Variants in NTNG1 observed in about 807,000 individuals in gnomAD.
NTNG1 encodes netrin-G1.
NTNG1 carries 16 observed loss-of-function variants against 54.0 expected under a neutral mutation model. That is an observed-to-expected ratio of 0.30 (90% CI 0.20 to 0.45). The LOEUF (loss-of-function observed/expected upper bound fraction) is 0.45, where lower values mean the gene tolerates loss of function less well. Ranked by LOEUF, NTNG1 falls within the 20% of genes least tolerant of loss-of-function variation. The pLI, the probability that NTNG1 is intolerant of heterozygous loss-of-function variation, is 1.00. For synonymous variants in NTNG1, 255 were observed against 263.1 expected (o/e 0.97, Z 0.30); for missense variants, 530 against 678.7 (o/e 0.78, Z 2.43).
chr1:107,228,930 TG>T (rs1465039005), intron 2 of NTNG1, among the ~76,000 whole-genome samples: 1 of 152,138 alleles, frequency 6.6e-6, no homozygotes, highest in African/African-American at 2.4e-5. Flanking sequence ...GCATTTCTAT[TG>T]AACTAATCAT....
chr1:107,164,181 A>T (rs969867880), intron 2 of NTNG1, among the ~76,000 whole-genome samples: 6 of 152,230 alleles, frequency 3.9e-5, no homozygotes, highest in African/African-American at 1.4e-4. Flanking sequence ...GTAGCTTTGT[A>T]CTGTGGCTTG....
At chr1:107,283,443 G>A (rs3123377) in intron 2 of NTNG1, among the ~76,000 whole-genome samples, 2,577 of 152,236 alleles carry the variant, frequency 0.017, 62 homozygotes, top group African/African-American at 0.059. Context: ...CTCAGATAAA[G>A]AGCACCAAAC....
intron 2 of NTNG1, among the ~76,000 whole-genome samples, chr1:107,155,689 A>G (rs1654938126): frequency 6.6e-6 from 1 of 152,192 alleles, no homozygotes; most frequent in Non-Finnish European, 1.5e-5. Context: ...ACTAAAGACT[A>G]TATATTATAT....
At chr1:107,225,773 G>A (rs549237838) in intron 2 of NTNG1, among the ~76,000 whole-genome samples, 2 of 152,276 alleles carry the variant, frequency 1.3e-5, no homozygotes, top group South Asian at 2.1e-4. Context: ...TCAAGAATTT[G>A]TTTTTCAAGC....
At chr1:107,436,153 G>A (rs181192192) in intron 6 of NTNG1, among the ~76,000 whole-genome samples, 160 of 152,198 alleles carry the variant, frequency 1.1e-3, no homozygotes, top group African/African-American at 3.8e-3. Context: ...ATCACAAAAT[G>A]GTATATGCAT....
intron 7 of NTNG1, among the ~76,000 whole-genome samples, chr1:107,460,974 C>T (rs921667992): frequency 6.6e-6 from 1 of 152,168 alleles, no homozygotes; most frequent in African/African-American, 2.4e-5. Flanking sequence ...CCATCCCAGC[C>T]AGGACAGTCT....
intron 2 of NTNG1, among the ~76,000 whole-genome samples, chr1:107,315,277 C>T (rs1667270853): frequency 1.3e-5 from 2 of 152,150 alleles, no homozygotes; most frequent in Non-Finnish European, 1.5e-5. Context: ...CGTATCAAGC[C>T]ACCAACATGC....
At chr1:107,323,800 T>C (rs1056075067) in intron 2 of NTNG1, among the ~76,000 whole-genome samples, 1 of 152,018 alleles carries the variant, frequency 6.6e-6, no homozygotes, top group African/African-American at 2.4e-5. Flanking sequence ...CTGAATGTTG[T>C]ATGGGGGTAT....
At chr1:107,350,227 T>G (rs1315390137) in intron 3 of NTNG1, among the ~76,000 whole-genome samples, 2 of 152,192 alleles carry the variant, frequency 1.3e-5, no homozygotes, top group African/African-American at 4.8e-5. Flanking sequence ...CCATTTTTAA[T>G]GAGAGAATTT....
At chr1:107,363,707 C>T (rs571326070) in intron 3 of NTNG1, among the ~76,000 whole-genome samples, 2 of 152,296 alleles carry the variant, frequency 1.3e-5, no homozygotes, top group South Asian at 2.1e-4. Context: ...TAGCTCAAGG[C>T]TCATCTCCAC....
rs1385405351 is a variant in NTNG1, at chr1:107,481,136, C to G, written c.*296C>G. 2.4e-6 allele frequency: 1 copy of G among 422,000 alleles called. No individual in the cohort carries two copies. Among genetic ancestry groups the G allele is most frequent in the East Asian group, 3.5e-5 (1 of 28,660 alleles). The allele number at this position is 422,000 out of a possible 1,614,324, so 26.1% of individuals were successfully genotyped here. On this transcript the variant is annotated 3_prime_UTR_variant, in exon 8 of 8. Coordinates refer to ENST00000370068, the MANE Select transcript of NTNG1 (RefSeq NM_001113226.3). Reference sequence around the variant, plus strand: ...GGAAAGGCTGCGACAGCCCCCCAAACAGGAAAGACAAAAAACAAACAAATC... The same window carrying G: ...GGAAAGGCTGCGACAGCCCCCCAAAGAGGAAAGACAAAAAACAAACAAATC...
chr1:107,304,386 G>T (rs1473048784), intron 2 of NTNG1, among the ~76,000 whole-genome samples: 2 of 152,050 alleles, frequency 1.3e-5, no homozygotes, highest in Non-Finnish European at 2.9e-5. Context: ...AAAATCAGTT[G>T]TAACTGAATT....
intron 6 of NTNG1, among the ~76,000 whole-genome samples, chr1:107,433,414 C>T (rs1675398151): frequency 6.6e-6 from 1 of 152,104 alleles, no homozygotes; most frequent in South Asian, 2.1e-4. Flanking sequence ...AGCGTGGTGG[C>T]CTGTGCCTGT....
intron 7 of NTNG1, among the ~76,000 whole-genome samples, chr1:107,467,408 AGTCT>A (rs1041993249): frequency 3.3e-5 from 5 of 152,258 alleles, no homozygotes; most frequent in Non-Finnish European, 7.3e-5. Context: ...TGACTCTGAC[AGTCT>A]ATCTTTTATT....
chr1:107,228,860 G>A (rs756461695), intron 2 of NTNG1, among the ~76,000 whole-genome samples: 12 of 152,120 alleles, frequency 7.9e-5, no homozygotes, highest in Admixed American at 3.3e-4. Context: ...AACATAAATG[G>A]CAAGACAAGC....
intron 5 of NTNG1, among the ~76,000 whole-genome samples, chr1:107,411,476 A>T (rs1321868259): frequency 2.6e-5 from 4 of 152,174 alleles, no homozygotes; most frequent in Non-Finnish European, 5.9e-5. Context: ...TGCAGTCTTG[A>T]TTTATTGTAG....
intron 2 of NTNG1, among the ~76,000 whole-genome samples, chr1:107,314,288 A>C (rs1191077281): frequency 6.6e-6 from 1 of 152,052 alleles, no homozygotes; most frequent in Non-Finnish European, 1.5e-5. Context: ...ATTCCCAGCT[A>C]CTCGGGAGGC....
chr1:107,184,982 G>T (rs146488472), intron 2 of NTNG1, among the ~76,000 whole-genome samples: 1 of 152,264 alleles, frequency 6.6e-6, no homozygotes, highest in African/African-American at 2.4e-5. Flanking sequence ...ATCATCTTGA[G>T]TTGAGGTGTC....
intron 2 of NTNG1, among the ~76,000 whole-genome samples, chr1:107,259,137 A>G (rs1229710626): frequency 6.6e-6 from 1 of 152,170 alleles, no homozygotes; most frequent in African/African-American, 2.4e-5. Context: ...AAAATCATAA[A>G]ACCATTATGA....
Sources: gnomAD v4.1 joint callset for allele counts (sites outside exome capture counted in the v4.1 genomes callset) on GRCh38, gnomAD v4.1.1 for gene constraint, MANE v1.5 for transcripts, NCBI Gene and HGNC (gene_info 2026-07-23, HGNC 2026-07-21) for gene names.